Variants in TC2N observed in about 807,000 individuals in gnomAD.
TC2N encodes tandem C2 domains, nuclear.
A neutral mutation model predicts 61.9 loss-of-function variants in TC2N; 51 were observed. That is an observed-to-expected ratio of 0.82 (90% CI 0.66 to 1.04). The LOEUF (loss-of-function observed/expected upper bound fraction) is 1.04. Among genes scored for constraint, TC2N ranks in the 50% least tolerant of loss-of-function variants. The probability of loss-of-function intolerance (pLI) is 0.00; values close to 1 mark genes in which losing one functional copy is unlikely to be tolerated. For synonymous variants in TC2N, 204 were observed against 192.6 expected (o/e 1.06, Z -0.49); for missense variants, 556 against 566.7 (o/e 0.98, Z 0.19).
rs1555373188 is a variant in TC2N, at chr14:91,858,152, C to CTTCTTCTT, written c.-57+9109_-57+9110insAAGAAGAA. 3.2e-5 allele frequency among the ~76,000 whole-genome samples: 3 copies of CTTCTTCTT among 92,334 alleles called. No individual in the cohort carries two copies. In the Admixed American group the frequency reaches 4.2e-4, roughly 13 times the overall value. The allele number at this position is 92,334 out of a possible 152,430, so 60.6% of individuals were successfully genotyped here. A position where few individuals can be genotyped will look rare whatever the true frequency, so the allele number is the denominator to read the frequency against. On this transcript the variant is annotated intron_variant, in intron 1 of 11. Transcript: ENST00000435962. ...GGCTGATTCTTTCTTTCTTCTTCTT[C>CTTCTTCTT]TTTTTTTTTTTTTTTTTTTTGGTAA... is the stretch of plus-strand genomic sequence containing the variant.
intron 1 of TC2N, among the ~76,000 whole-genome samples, chr14:91,853,050 G>A (rs1047892725): frequency 6.6e-6 from 1 of 152,132 alleles, no homozygotes; most frequent in South Asian, 2.1e-4. Context: ...CAGCCTGGGC[G>A]ACAGAGAGAG....
intron 1 of TC2N, among the ~76,000 whole-genome samples, chr14:91,853,745 C>A (rs979118103): frequency 1.3e-5 from 2 of 151,342 alleles, no homozygotes; most frequent in African/African-American, 4.9e-5. Flanking sequence ...TTCAGCCTGA[C>A]CTTGCAGCAC....
intron 1 of TC2N, among the ~76,000 whole-genome samples, chr14:91,858,419 G>A (rs1888528043): frequency 6.6e-6 from 1 of 152,086 alleles, no homozygotes; most frequent in Non-Finnish European, 1.5e-5. Flanking sequence ...ACACAGCAGA[G>A]AGAATTGGAC....
chr14:91,790,897 C>T (rs1385378882), intron 9 of TC2N, among the ~76,000 whole-genome samples: 6 of 151,616 alleles, frequency 4.0e-5, no homozygotes, highest in Non-Finnish European at 7.4e-5. Context: ...TTTGGGAGGC[C>T]GAGGCAGGAG....
intron 1 of TC2N, among the ~76,000 whole-genome samples, chr14:91,865,376 T>A (rs1046506494): frequency 4.8e-5 from 7 of 145,420 alleles, no homozygotes; most frequent in Non-Finnish European, 7.6e-5. Flanking sequence ...TTGGTTTTTT[T>A]TTTTTTTTTT....
At chr14:91,783,800 G>A (rs1230997025) in intron 11 of TC2N, among the ~76,000 whole-genome samples, 1 of 151,978 alleles carries the variant, frequency 6.6e-6, no homozygotes, top group Admixed American at 6.6e-5. Context: ...TTATTATGAA[G>A]ACAAGGAATA....
At chr14:91,788,431 T>C (rs1004843560) in intron 9 of TC2N, among the ~76,000 whole-genome samples, 3 of 152,152 alleles carry the variant, frequency 2.0e-5, no homozygotes, top group Non-Finnish European at 2.9e-5. Flanking sequence ...TGTTTACATG[T>C]TGAAAAGAGT....
At chr14:91,846,129 C>T (rs532038205) in intron 1 of TC2N, among the ~76,000 whole-genome samples, 2 of 150,080 alleles carry the variant, frequency 1.3e-5, no homozygotes, top group African/African-American at 5.1e-5. Context: ...AGACGCTCAG[C>T]TTTTTCTCTC....
At chr14:91,810,375 G>A (rs1886710673) in intron 3 of TC2N, among the ~76,000 whole-genome samples, 1 of 152,138 alleles carries the variant, frequency 6.6e-6, no homozygotes, top group Non-Finnish European at 1.5e-5. Flanking sequence ...AGGAGGAAGG[G>A]AGGGATGAAA....
intron 1 of TC2N, among the ~76,000 whole-genome samples, chr14:91,832,385 C>T (rs914057433): frequency 8.4e-5 from 4 of 47,778 alleles, no homozygotes; most frequent in Non-Finnish European, 1.3e-4. Context: ...AGCAAAACTC[C>T]GTCTCAAAAA....
At chr14:91,800,255 TA>T (rs1886155030) in intron 5 of TC2N, 25 bp downstream of exon 5, 1 of 1,373,574 alleles carries the variant, frequency 7.3e-7, no homozygotes, top group Non-Finnish European at 1.0e-6. Context: ...TTATCACATA[TA>T]ATTAAATTTA....
At chr14:91,820,167 C>T (rs977910467) in intron 1 of TC2N, among the ~76,000 whole-genome samples, 2 of 151,828 alleles carry the variant, frequency 1.3e-5, no homozygotes, top group African/African-American at 4.8e-5. Flanking sequence ...ATTTTAAATA[C>T]AAATAAGTTA....
intron 3 of TC2N, among the ~76,000 whole-genome samples, chr14:91,809,702 C>G (rs745528739): frequency 3.9e-5 from 6 of 152,076 alleles, no homozygotes; most frequent in Non-Finnish European, 8.8e-5. Flanking sequence ...GTCTTTCTAG[C>G]CTGAAGAACC....
At chr14:91,830,547 G>A (rs1163147907) in intron 1 of TC2N, among the ~76,000 whole-genome samples, 1 of 152,154 alleles carries the variant, frequency 6.6e-6, no homozygotes, top group African/African-American at 2.4e-5. Context: ...TGACTGAGAA[G>A]GAAGAGGCAA....
chr14:91,832,390 C>CAAAAA (rs33961348), intron 1 of TC2N, among the ~76,000 whole-genome samples: 1 of 136,388 alleles, frequency 7.3e-6, no homozygotes, highest in Non-Finnish European at 1.6e-5. Context: ...AACTCCGTCT[C>CAAAAA]AAAAAAAAAA....
intron 1 of TC2N, among the ~76,000 whole-genome samples, chr14:91,860,542 T>G (rs993393922): frequency 1.3e-5 from 2 of 152,206 alleles, no homozygotes; most frequent in African/African-American, 4.8e-5. Flanking sequence ...TTCTGTGAAA[T>G]GCTGACCTGC....
chr14:91,801,081 T>C (rs916496570), intron 4 of TC2N, among the ~76,000 whole-genome samples: 3 of 138,538 alleles, frequency 2.2e-5, no homozygotes, highest in Admixed American at 7.1e-5. Context: ...TGTGTGTGTG[T>C]ATATATATAT....
At chr14:91,821,087 A>G (rs1375160205) in intron 1 of TC2N, among the ~76,000 whole-genome samples, 1 of 152,042 alleles carries the variant, frequency 6.6e-6, no homozygotes, top group African/African-American at 2.4e-5. Flanking sequence ...AATCTCTACC[A>G]AAATCCCTTC....
Position 91,797,103 on chromosome 14 carries a change from T to C in TC2N, c.855+682A>G, listed in dbSNP as rs147056452. 3.5e-3 allele frequency among the ~76,000 whole-genome samples: 535 copies of C among 152,168 alleles called. 2 individuals carry two copies. The highest frequency in any genetic ancestry group is 0.012 in the African/African-American group (494 of 41,558). ...TTCTAAGAAGTTGTATGTTCTAGAATACCTGTAAAAGTTTTCCTAATTCTA... is the reference window on the plus strand; with the variant it reads ...TTCTAAGAAGTTGTATGTTCTAGAACACCTGTAAAAGTTTTCCTAATTCTA... On this transcript the variant is annotated intron_variant, in intron 8 of 11. Transcript: ENST00000435962.
Sources: allele counts gnomAD v4.1 joint callset (sites outside exome capture counted in the v4.1 genomes callset), GRCh38; gene constraint gnomAD v4.1.1; transcripts MANE v1.5; gene names NCBI Gene and HGNC (gene_info 2026-07-23, HGNC 2026-07-21).